LRRTM3: variants seen among roughly 807,000 people sequenced by gnomAD.
LRRTM3 encodes the protein leucine-rich repeat transmembrane neuronal protein 3.
In LRRTM3, 24 loss-of-function variants were observed where a neutral mutation model predicts 44.7. That is an observed-to-expected ratio of 0.54 (90% CI 0.39 to 0.76). The LOEUF (loss-of-function observed/expected upper bound fraction) is 0.76, where lower values mean the gene tolerates loss of function less well. Among genes scored for constraint, LRRTM3 ranks in the 30% least tolerant of loss-of-function variants. The pLI is 0.00. For synonymous variants in LRRTM3, 277 were observed against 278.7 expected (o/e 0.99, Z 0.06); for missense variants, 587 against 702.2 (o/e 0.84, Z 1.85).
intron 2 of LRRTM3, among the ~76,000 whole-genome samples, chr10:67,048,103 T>G (rs1282492782): frequency 1.3e-5 from 2 of 152,110 alleles, no homozygotes; most frequent in Non-Finnish European, 2.9e-5. Context: ...TAATTTATTT[T>G]GTAAAAAGAA....
At chr10:67,003,457 C>T (rs553727451) in intron 2 of LRRTM3, among the ~76,000 whole-genome samples, 19 of 152,150 alleles carry the variant, frequency 1.2e-4, no homozygotes, top group South Asian at 4.2e-4. Context: ...AATCAGAGTG[C>T]GGAGAGGTTC....
chr10:66,994,304 G>T (rs539644672), intron 2 of LRRTM3, among the ~76,000 whole-genome samples: 1 of 152,304 alleles, frequency 6.6e-6, no homozygotes, highest in South Asian at 2.1e-4. Flanking sequence ...TTAAAAATGG[G>T]TTTGCCTGGC....
At chr10:67,066,580 C>A (rs928231261) in intron 2 of LRRTM3, among the ~76,000 whole-genome samples, 10 of 150,594 alleles carry the variant, frequency 6.6e-5, no homozygotes, top group Admixed American at 1.3e-4. Context: ...ATTACAGAAG[C>A]CAAAATATCA....
intron 2 of LRRTM3, among the ~76,000 whole-genome samples, chr10:67,088,641 C>T (rs1857443917): frequency 2.0e-5 from 3 of 151,952 alleles, no homozygotes; most frequent in African/African-American, 7.2e-5. Flanking sequence ...AGAACTGTGA[C>T]CTTTCAAATA....
chr10:66,995,858 A>G (rs1369261545), intron 2 of LRRTM3, among the ~76,000 whole-genome samples: 2 of 152,170 alleles, frequency 1.3e-5, no homozygotes, highest in Non-Finnish European at 2.9e-5. Flanking sequence ...GAAATTATAC[A>G]CTTCCATCTT....
intron 2 of LRRTM3, among the ~76,000 whole-genome samples, chr10:67,051,985 C>A (rs1395902969): frequency 6.7e-6 from 1 of 149,380 alleles, no homozygotes; most frequent in African/African-American, 2.5e-5. Context: ...AAACTCCTGA[C>A]CTCAGGTGAC....
At chr10:66,972,794 T>G (rs779147074) in intron 2 of LRRTM3, among the ~76,000 whole-genome samples, 1 of 142,158 alleles carries the variant, frequency 7.0e-6, no homozygotes, top group African/African-American at 2.6e-5. Flanking sequence ...CACTGCAACC[T>G]CCACCTCCTG....
intron 2 of LRRTM3, among the ~76,000 whole-genome samples, chr10:66,972,277 C>T (rs947851763): frequency 6.6e-6 from 1 of 152,180 alleles, no homozygotes; most frequent in African/African-American, 2.4e-5. Flanking sequence ...CCTTTACCCA[C>T]ATGACATAAT....
At position 67,098,480 on chromosome 10, in the gene LRRTM3, A is replaced by AT. The variant is rs560959831; in HGVS notation, c.*691dup. 3.3e-5 allele frequency: 5 copies of AT among 152,306 alleles called. No homozygotes were observed. Among genetic ancestry groups the AT allele is most frequent in the East Asian group, 1.9e-4 (1 of 5,172 alleles). 9.4% of individuals were successfully genotyped at this position (152,306 alleles called of 1,614,324 possible). A position where few individuals can be genotyped will look rare whatever the true frequency, so the allele number is the denominator to read the frequency against. On this transcript the variant is annotated 3_prime_UTR_variant, in exon 3 of 3. Coordinates refer to ENST00000361320, the MANE Select transcript of LRRTM3 (RefSeq NM_178011.5). ...CTTAAAAATGAAAAAAAAATCAAAG[A>AT]TTTTTTTAACAGTTCTCAGACTTAA...
At chr10:67,003,542 C>T (rs538422798) in intron 2 of LRRTM3, among the ~76,000 whole-genome samples, 1 of 152,310 alleles carries the variant, frequency 6.6e-6, no homozygotes, top group Non-Finnish European at 1.5e-5. Flanking sequence ...TATTCATATA[C>T]TGAAGGCTCT....
intron 2 of LRRTM3, among the ~76,000 whole-genome samples, chr10:67,084,468 A>C (rs1004612552): frequency 6.6e-6 from 1 of 151,906 alleles, no homozygotes; most frequent in Non-Finnish European, 1.5e-5. Context: ...TATTAATTTA[A>C]ATATTGTTTA....
chr10:67,052,348 C>CTCTCTCTT (rs1554906455), intron 2 of LRRTM3, among the ~76,000 whole-genome samples: 16 of 134,360 alleles, frequency 1.2e-4, no homozygotes, highest in Middle Eastern at 3.7e-3. Flanking sequence ...CTCTCTCTCT[C>CTCTCTCTT]TCTCTCATTA....
chr10:67,017,194 T>C (rs529482795), intron 2 of LRRTM3, among the ~76,000 whole-genome samples: 53 of 152,336 alleles, frequency 3.5e-4, no homozygotes, highest in African/African-American at 1.3e-3. Flanking sequence ...CAAAGTGTTT[T>C]CAGGTCCATT....
intron 2 of LRRTM3, among the ~76,000 whole-genome samples, chr10:67,025,788 G>A (rs998968123): frequency 6.6e-6 from 1 of 151,756 alleles, no homozygotes; most frequent in African/African-American, 2.4e-5. Context: ...ACTGATGATC[G>A]CTATAAAGAC....
At position 67,024,263 on chromosome 10, in the gene LRRTM3, C is replaced by T. The variant is rs558016036; in HGVS notation, c.1537-73324C>T. ...TTTTCTCCTCTCTAGCTGCTTCAGT[C>T]ATCTCATTGTGTTCTCGTAGAGTCT... On this transcript the variant is annotated intron_variant, in intron 2 of 2. Transcript: ENST00000361320. Among the ~76,000 whole-genome samples, 37 of 152,326 alleles carry T rather than the reference C, an allele frequency of 2.4e-4. No individual in the cohort carries two copies. In the South Asian group the frequency reaches 7.5e-3, roughly 31 times the overall value.
chr10:67,074,405 C>A (rs1856636816), intron 2 of LRRTM3, among the ~76,000 whole-genome samples: 1 of 123,344 alleles, frequency 8.1e-6, no homozygotes, highest in Non-Finnish European at 1.6e-5. Context: ...GGCTGAAGTG[C>A]AGTGGCACGA....
chr10:67,007,721 A>G (rs1458281192), intron 2 of LRRTM3, among the ~76,000 whole-genome samples: 1 of 152,062 alleles, frequency 6.6e-6, no homozygotes, highest in Non-Finnish European at 1.5e-5. Flanking sequence ...TAAGTATAGT[A>G]GAAAGGTTCT....
At chr10:66,982,813 A>G (rs1850516075) in intron 2 of LRRTM3, among the ~76,000 whole-genome samples, 1 of 152,170 alleles carries the variant, frequency 6.6e-6, no homozygotes, top group Admixed American at 6.5e-5. Flanking sequence ...CCTTTCCAGT[A>G]AGATATTATG....
intron 2 of LRRTM3, among the ~76,000 whole-genome samples, chr10:66,929,451 G>A (rs1248106238): frequency 6.6e-6 from 1 of 152,148 alleles, no homozygotes; most frequent in Admixed American, 6.5e-5. Context: ...TTGTCAGGCT[G>A]CCCTGTTGTG....
Sources: allele counts gnomAD v4.1 joint callset (sites outside exome capture counted in the v4.1 genomes callset), GRCh38; gene constraint gnomAD v4.1.1; transcripts MANE v1.5; gene names NCBI Gene and HGNC (gene_info 2026-07-23, HGNC 2026-07-21).